The following HDGFL2 variants were observed in gnomAD, a reference collection of about 807,000 sequenced individuals.
HDGFL2 encodes hepatoma-derived growth factor-related protein 2.
HDGFL2 carries 36 observed loss-of-function variants against 77.1 expected under a neutral mutation model. The ratio of observed to expected loss-of-function variants is 0.47; its 90% CI spans 0.36 to 0.62. The LOEUF (loss-of-function observed/expected upper bound fraction) is 0.62. Among genes scored for constraint, HDGFL2 ranks in the 20% least tolerant of loss-of-function variants. HDGFL2 has a pLI of 0.00. For missense variants in HDGFL2, 976 were observed against 973.4 expected (o/e 1.00, Z -0.04); for synonymous variants, 463 against 413.1 (o/e 1.12, Z -1.46).
intron 15 of HDGFL2, 38 bp downstream of exon 15, chr19:4,501,355 G>T (rs753256460): frequency 6.4e-7 from 1 of 1,550,794 alleles, no homozygotes; most frequent in Non-Finnish European, 8.7e-7. Flanking sequence ...ACTCCTGAGC[G>T]GCAGCGGTGT....
exon 16 of HDGFL2, chr19:4,502,203 A>AAAAAG (rs573628939): frequency 1.5e-6 from 1 of 671,176 alleles, no homozygotes; most frequent in African/African-American, 1.8e-5. Context: ...TTTTTAATGA[A>AAAAAG]AAAAGAAATC....
chr19:4,495,385 C>CA (rs747305046), intron 9 of HDGFL2, among the ~76,000 whole-genome samples: 3,947 of 53,926 alleles, frequency 0.073, 482 homozygotes, highest in East Asian at 0.31. Context: ...GACTCCATCT[C>CA]AAAAAAAAAA....
rs138183788 is a variant in HDGFL2, at chr19:4,491,121, T to C, written c.490-445T>C. On this transcript the variant is annotated intron_variant, in intron 4 of 15. Coordinates refer to ENST00000616600, the MANE Select transcript of HDGFL2 (RefSeq NM_001001520.3). The stretch of plus-strand genomic sequence containing the variant: ...CACCGTGCCTGGCCAAAATTAGCCA[T>C]TTTTAAGTGCCCCGTTCAGCAGCAT... Among the ~76,000 whole-genome samples, 723 of 152,184 alleles carry C rather than the reference T, an allele frequency of 4.8e-3. 20 individuals carry two copies. The East Asian group carries it at 0.088, about 19-fold the overall frequency.
At chr19:4,482,725 C>T (rs1294578623) in intron 3 of HDGFL2, among the ~76,000 whole-genome samples, 3 of 152,340 alleles carry the variant, frequency 2.0e-5, no homozygotes, top group Non-Finnish European at 2.9e-5. Context: ...TGCAGTTACT[C>T]GCTGTGTGAT....
intron 7 of HDGFL2, 54 bp from the exon 8 acceptor site, chr19:4,493,928 T>TG: frequency 6.4e-7 from 1 of 1,554,084 alleles, no homozygotes; most frequent in Non-Finnish European, 8.7e-7. Flanking sequence ...GGCAGTCCCC[T>TG]GGTCACCTTG....
intron 10 of HDGFL2, chr19:4,496,962 C>T (rs1295550078): frequency 2.6e-6 from 1 of 386,240 alleles, no homozygotes; most frequent in Non-Finnish European, 5.1e-6. Flanking sequence ...CAACCTCCGC[C>T]TCCCGGGTTC....
chr19:4,500,071 C>T (rs867388861), intron 14 of HDGFL2, among the ~76,000 whole-genome samples: 21 of 152,212 alleles, frequency 1.4e-4, no homozygotes, highest in Admixed American at 2.6e-4. Context: ...GAGAGGCAGT[C>T]GGTGGAGGCT....
chr19:4,473,152 A>C, intron 1 of HDGFL2, among the ~76,000 whole-genome samples: 1 of 141,230 alleles, frequency 7.1e-6, no homozygotes, highest in South Asian at 2.4e-4. Context: ...GGGGCCTGAT[A>C]AATTCTCACT....
chr19:4,494,442 T>G lies in HDGFL2; in HGVS notation c.1191T>G (p.Ser397=). Residue 397 remains serine, a synonymous_variant, in exon 9 of 16, where the codon TCT becomes TCG. Coordinates refer to ENST00000616600, the MANE Select transcript of HDGFL2 (RefSeq NM_001001520.3). The part of the protein sequence containing the change: ...KGRGRGPPSS[S]DSEPEAELER... ...GGGGCCGGGGTCCCCCGTCCTCCTC[T>G]GACTCCGAGCCCGAGGCCGAGCTGG... 7.1e-7 allele frequency: 1 copy of G among 1,402,850 alleles called. No homozygotes were observed. Among genetic ancestry groups the G allele is most frequent in the Non-Finnish European group, 9.2e-7 (1 of 1,083,594 alleles). The allele number at this position is 1,402,850 out of a possible 1,614,324, so 86.9% of individuals were successfully genotyped here. A position where few individuals can be genotyped will look rare whatever the true frequency, so the allele number is the denominator to read the frequency against.
chr19:4,472,590 C>T (rs1243763273), intron 1 of HDGFL2, among the ~76,000 whole-genome samples, 168 bp downstream of exon 1: 2 of 146,318 alleles, frequency 1.4e-5, no homozygotes, highest in Non-Finnish European at 3.0e-5. Context: ...CGCAGCGGCC[C>T]CGCCCTGGGG....
rs765208799 is a variant in HDGFL2 at position 4,493,727 on chromosome 19, G to A, written c.703G>A (p.Asp235Asn). ...GAAGGCGCCATCAGCCTCCGACTCC[G>A]ACTCCAAGGCCGATTCGGACGGGGC... is the stretch of plus-strand genomic sequence containing the variant. ...KKKAPSASDS[D>N]SKADSDGAKP... The change falls in exon 7 of 16, where the codon GAC becomes AAC. Residue 235 changes from aspartate to asparagine, a missense_variant. Asp to Asn is a conservative substitution (Grantham distance 23). Transcript: ENST00000616600. 14 of 1,489,504 alleles carry A rather than the reference G, an allele frequency of 9.4e-6. No individual in the cohort carries two copies. The highest frequency in any genetic ancestry group is 1.7e-4 in the Middle Eastern group (1 of 5,738). 92.3% of individuals were successfully genotyped at this position (1,489,504 alleles called of 1,614,324 possible).
chr19:4,483,787 ATTTT>A (rs5826851), intron 3 of HDGFL2, among the ~76,000 whole-genome samples: 3 of 100,498 alleles, frequency 3.0e-5, no homozygotes, highest in Non-Finnish European at 1.9e-5. Flanking sequence ...TTGTTTCATG[ATTTT>A]TTTTTTTTTT....
chr19:4,494,587 T>G lies in HDGFL2; in HGVS notation c.1224+112T>G, dbSNP rs549561531. The G allele has an allele frequency of 2.8e-5, 22 of 799,360 alleles. No homozygotes were observed. The Admixed American group carries it at 5.1e-4, about 18-fold the overall frequency. The allele number at this position is 799,360 out of a possible 1,614,324, so 49.5% of individuals were successfully genotyped here. The stretch of plus-strand genomic sequence containing the variant: ...CGGGACCCATCAAGAAAGCAGTGCG[T>G]GGGCCCAGAAACTCCTGCCCTGGAG... On this transcript the variant is annotated intron_variant, in intron 9 of 15. Coordinates refer to ENST00000616600, the MANE Select transcript of HDGFL2 (RefSeq NM_001001520.3).
intron 15 of HDGFL2, chr19:4,501,693 C>T (rs1599729382): frequency 2.0e-6 from 1 of 508,266 alleles, no homozygotes; most frequent in Non-Finnish European, 3.4e-6. Flanking sequence ...CTCACTTACC[C>T]AGCAGCTGCC....
At chr19:4,495,696 C>T (rs1975683981) in intron 9 of HDGFL2, among the ~76,000 whole-genome samples, 1 of 152,112 alleles carries the variant, frequency 6.6e-6, no homozygotes, top group Non-Finnish European at 1.5e-5. Flanking sequence ...AGGGTAGGGA[C>T]AGGCCCTCAC....
Position 4,490,208 on chromosome 19 carries a change from C to T in HDGFL2, c.489+1332C>T, listed in dbSNP as rs1599713823. Among the ~76,000 whole-genome samples, 11 of 152,332 alleles carry T rather than the reference C, an allele frequency of 7.2e-5. 2 individuals are homozygous for T. Among genetic ancestry groups the T allele is most frequent in the Admixed American group, 7.2e-4 (11 of 15,306 alleles). ...GTTCAAGCAATTCTTTTGCCTCAGCCTCCTGAGTAACTGGGATTACAGGGG... is the reference window on the plus strand; with the variant it reads ...GTTCAAGCAATTCTTTTGCCTCAGCTTCCTGAGTAACTGGGATTACAGGGG... On this transcript the variant is annotated intron_variant, in intron 4 of 15. Transcript: ENST00000616600.
chr19:4,501,820 T>G, intron 15 of HDGFL2, 91 bp from the exon 16 acceptor site: 1 of 929,442 alleles, frequency 1.1e-6, no homozygotes, highest in Non-Finnish European at 1.5e-6. Context: ...ACAACGGGGG[T>G]ACACTCCTCG....
chr19:4,502,027 C>G lies in HDGFL2; in HGVS notation c.*17C>G, dbSNP rs1201557951. 1 of 1,513,702 alleles carries G rather than the reference C, an allele frequency of 6.6e-7. No individual in the cohort carries two copies. The highest frequency in any genetic ancestry group is 8.8e-7 in the Non-Finnish European group (1 of 1,132,126). 93.8% of individuals were successfully genotyped at this position (1,513,702 alleles called of 1,614,324 possible). ...GAGAGCTGAGCCGCGGGCAGCCAGG[C>G]CCAGCCCCCGCCCGAGCTCAGGCTG... is the stretch of plus-strand genomic sequence containing the variant. On this transcript the variant is annotated 3_prime_UTR_variant, in exon 16 of 16. Transcript: ENST00000616600.
intron 10 of HDGFL2, 181 bp from the exon 11 acceptor site, chr19:4,497,777 C>T (rs1276209405): frequency 8.5e-6 from 5 of 589,872 alleles, no homozygotes; most frequent in Non-Finnish European, 1.5e-5. Context: ...CTGTGGCTGC[C>T]CTGGTCTGCC....
Sources: allele counts gnomAD v4.1 joint callset (sites outside exome capture counted in the v4.1 genomes callset), GRCh38; gene constraint gnomAD v4.1.1; transcripts MANE v1.5; gene names NCBI Gene and HGNC (gene_info 2026-07-23, HGNC 2026-07-21).